RUNX1: variants seen among roughly 807,000 people sequenced by gnomAD.
The protein encoded by RUNX1 is RUNX family transcription factor 1, also known as runt-related transcription factor 1.
In RUNX1, 19 loss-of-function variants were observed where a neutral mutation model predicts 42.8. That is an observed-to-expected ratio of 0.44 (90% confidence interval 0.31 to 0.65). The LOEUF (loss-of-function observed/expected upper bound fraction) is 0.65. RUNX1 is among the 30% of genes least tolerant of loss of function. The pLI, the probability that RUNX1 is intolerant of heterozygous loss-of-function variation, is 0.07. For synonymous variants in RUNX1, 271 were observed against 289.4 expected (o/e 0.94, Z 0.64); for missense variants, 528 against 672.0 (o/e 0.79, Z 2.37).
intron 2 of RUNX1, among the ~76,000 whole-genome samples, chr21:34,923,934 G>A (rs1354809640): frequency 6.6e-6 from 1 of 152,100 alleles, no homozygotes; most frequent in Non-Finnish European, 1.5e-5. Context: ...GCCTTCTATA[G>A]TCCCCAGTGC....
At chr21:34,860,016 T>C (rs766092167) in intron 5 of RUNX1, among the ~76,000 whole-genome samples, 7 of 152,234 alleles carry the variant, frequency 4.6e-5, no homozygotes, top group Non-Finnish European at 1.0e-4. Flanking sequence ...TCAGGAAAGA[T>C]AGAATTTCTA....
At chr21:34,855,690 C>G (rs2057486064) in intron 6 of RUNX1, among the ~76,000 whole-genome samples, 1 of 152,172 alleles carries the variant, frequency 6.6e-6, no homozygotes, top group African/African-American at 2.4e-5. Context: ...GCCTGGGCAA[C>G]AGAGTGAGAC....
chr21:35,047,561 ACTCT>A (rs55862184), intron 2 of RUNX1, among the ~76,000 whole-genome samples: 1,708 of 46,410 alleles, frequency 0.037, 57 homozygotes, highest in Non-Finnish European at 0.051. Context: ...ACACACACAC[ACTCT>A]CTCTCTCTCT....
At chr21:34,940,954 TC>T (rs1416672151) in intron 2 of RUNX1, among the ~76,000 whole-genome samples, 4 of 152,252 alleles carry the variant, frequency 2.6e-5, no homozygotes, top group Non-Finnish European at 1.5e-5. Context: ...TATTAAAATA[TC>T]AGCACAGAGA....
rs2057542568 is a variant in RUNX1, at chr21:34,859,570, A to G, written c.517T>C (p.Phe173Leu). 6.2e-7 allele frequency: 1 copy of G among 1,613,718 alleles called. No individual in the cohort carries two copies. The highest frequency in any genetic ancestry group is 1.7e-5 in the Admixed American group (1 of 60,004). Residue 173 changes from phenylalanine (F) to leucine (L), a missense_variant, in exon 6 of 9, where the codon TTC becomes CTC. By Grantham distance (22) the Phe-to-Leu change is conservative. Coordinates refer to ENST00000675419, the MANE Select transcript of RUNX1 (RefSeq NM_001754.5). ...GTGAAGACAGTGATGGTCAGAGTGAAGCTTTTCCCTGTGGGGACACGATAG... is the reference window on the plus strand; with the variant it reads ...GTGAAGACAGTGATGGTCAGAGTGAGGCTTTTCCCTGTGGGGACACGATAG... ...FVGRSGRGKSFTLTITVFTNP... is the reference protein window; with the variant it reads ...FVGRSGRGKSLTLTITVFTNP...
intron 6 of RUNX1, among the ~76,000 whole-genome samples, chr21:34,841,945 C>T (rs1202782685): frequency 6.6e-6 from 1 of 152,122 alleles, no homozygotes; most frequent in Non-Finnish European, 1.5e-5. Context: ...ATTTTTTCTG[C>T]ACAGCCATGT....
chr21:34,800,270 C>T (rs542944941), intron 7 of RUNX1, among the ~76,000 whole-genome samples: 1 of 152,294 alleles, frequency 6.6e-6, no homozygotes, highest in Middle Eastern at 3.4e-3. Context: ...TCAAAGGAGT[C>T]TTAATTTTCA....
intron 2 of RUNX1, among the ~76,000 whole-genome samples, chr21:35,020,827 T>C (rs533911526): frequency 1.3e-5 from 2 of 152,226 alleles, no homozygotes; most frequent in Admixed American, 6.5e-5. Flanking sequence ...GTCTCATTTA[T>C]AAAATGTATT....
rs141957178 is a variant in RUNX1 at position 35,018,893 on chromosome 21, A to G, written c.58+29949T>C. Among the ~76,000 whole-genome samples the G allele has an allele frequency of 3.9e-3, 598 of 152,302 alleles. 2 individuals are homozygous for G. Among genetic ancestry groups the G allele is most frequent in the African/African-American group, 0.013 (560 of 41,564 alleles). ...CAGGAACCCCTCAGGAATAGGGATT[A>G]TCTTAATCTTTTTGGAGGCCTAAGA... On this transcript the variant is annotated intron_variant, in intron 2 of 8. Coordinates refer to ENST00000675419, the MANE Select transcript of RUNX1 (RefSeq NM_001754.5).
rs546860349 is a variant in RUNX1 at position 34,970,663 on chromosome 21, T to G, written c.59-77700A>C. Among the ~76,000 whole-genome samples, 4 of 152,336 alleles carry G rather than the reference T, an allele frequency of 2.6e-5. No individual in the cohort carries two copies. The East Asian group carries it at 7.7e-4, about 29-fold the overall frequency. ...TGGTGCACTCTTAATGTGTGCATAT[T>G]ATTCTTTACATCTGCAAACTCATTT... On this transcript the variant is annotated intron_variant, in intron 2 of 8. Coordinates refer to ENST00000675419, the MANE Select transcript of RUNX1 (RefSeq NM_001754.5).
At chr21:34,881,532 A>G (rs1056276982) in intron 4 of RUNX1, among the ~76,000 whole-genome samples, 3 of 152,210 alleles carry the variant, frequency 2.0e-5, no homozygotes, top group Non-Finnish European at 4.4e-5. Flanking sequence ...ACTCCCCTCA[A>G]TTCAGGGGTG....
chr21:34,940,104 T>A (rs1451023409), intron 2 of RUNX1, among the ~76,000 whole-genome samples: 1 of 152,212 alleles, frequency 6.6e-6, no homozygotes, highest in East Asian at 1.9e-4. Context: ...TGGTACACAG[T>A]AAATTCCGAT....
intron 2 of RUNX1, among the ~76,000 whole-genome samples, chr21:34,911,759 C>T (rs906766357): frequency 1.3e-5 from 2 of 152,200 alleles, no homozygotes; most frequent in African/African-American, 4.8e-5. Context: ...CTGTCTCCCT[C>T]GGCTTGCTCT....
chr21:34,834,606 T>C lies in RUNX1; in HGVS notation c.614-5A>G, dbSNP rs1601416069. 5 of 1,528,112 alleles carry C rather than the reference T, an allele frequency of 3.3e-6. No homozygotes were observed. In the South Asian group the frequency reaches 5.6e-5, roughly 17 times the overall value. The allele number at this position is 1,528,112 out of a possible 1,614,324, so 94.7% of individuals were successfully genotyped here. On this transcript the variant is annotated splice_region_variant and splice_polypyrimidine_tract_variant and intron_variant, in intron 6 of 8. Transcript: ENST00000675419. Reference sequence around the variant, plus strand: ...CATCTAGTTTCTGCCGATGTCCTATTGTGGGGAGCAGGGAGGGGAGGGGAT... The same window carrying C: ...CATCTAGTTTCTGCCGATGTCCTATCGTGGGGAGCAGGGAGGGGAGGGGAT...
chr21:34,930,641 GATT>G (rs1218640117), intron 2 of RUNX1, among the ~76,000 whole-genome samples: 3 of 151,742 alleles, frequency 2.0e-5, no homozygotes, highest in African/African-American at 7.3e-5. Context: ...CAGAGTTCTA[GATT>G]TCATATTGAG....
chr21:34,933,682 G>T (rs2058464633), intron 2 of RUNX1, among the ~76,000 whole-genome samples: 1 of 152,186 alleles, frequency 6.6e-6, no homozygotes, highest in South Asian at 2.1e-4. Flanking sequence ...TGGGTTGGCT[G>T]GGCATGCAGT....
intron 2 of RUNX1, among the ~76,000 whole-genome samples, chr21:35,032,642 C>G (rs2059280966): frequency 6.6e-6 from 1 of 152,184 alleles, no homozygotes; most frequent in African/African-American, 2.4e-5. Flanking sequence ...TTCTCACATG[C>G]TTCTCCTTGC....
intron 3 of RUNX1, among the ~76,000 whole-genome samples, chr21:34,891,232 T>C (rs965157260): frequency 3.3e-5 from 5 of 152,170 alleles, no homozygotes; most frequent in Non-Finnish European, 7.3e-5. Flanking sequence ...AGAGGCAGCG[T>C]CGTGGGAGCT....
rs2146237245 is a variant in RUNX1, at chr21:34,859,592, A to T, written c.509-14T>A. 4 of 1,596,412 alleles carry T rather than the reference A, an allele frequency of 2.5e-6. No individual in the cohort carries two copies. Among genetic ancestry groups the T allele is most frequent in the Non-Finnish European group, 3.4e-6 (4 of 1,163,804 alleles). On this transcript the variant is annotated splice_polypyrimidine_tract_variant and intron_variant, in intron 5 of 8. Transcript: ENST00000675419. ...TGAAGCTTTTCCCTGTGGGGACACGATAGAGAACAAAACAGAATGAGGTTG... is the reference window on the plus strand; with the variant it reads ...TGAAGCTTTTCCCTGTGGGGACACGTTAGAGAACAAAACAGAATGAGGTTG...
Sources: gnomAD v4.1 joint callset for allele counts (sites outside exome capture counted in the v4.1 genomes callset) on GRCh38, gnomAD v4.1.1 for gene constraint, MANE v1.5 for transcripts, NCBI Gene and HGNC (gene_info 2026-07-23, HGNC 2026-07-21) for gene names.